The following PIR variants were observed in gnomAD, a reference collection of about 807,000 sequenced individuals.
PIR encodes the protein pirin, also known as pirin (iron-binding nuclear protein).
PIR carries 22 observed loss-of-function variants against 24.2 expected under a neutral mutation model. That is an observed-to-expected ratio of 0.91 (90% CI 0.65 to 1.30). PIR has a LOEUF of 1.30. PIR is among the 50% of genes most tolerant of loss of function. The pLI, the probability that PIR is intolerant of heterozygous loss-of-function variation, is 0.00. For missense variants in PIR, 220 were observed against 220.3 expected, an observed-to-expected ratio of 1.00 and a Z score of 0.01; for synonymous variants, 80 against 79.6, an observed-to-expected ratio of 1.00 and a Z score of -0.03.
chrX:15,385,906 G>C (rs1307158796), intron 9 of PIR, among the ~76,000 whole-genome samples: 2 of 111,982 alleles, frequency 1.8e-5, no homozygotes, highest in Non-Finnish European at 3.8e-5. Context: ...TCTGAACTCG[G>C]ATTTTGCTAA....
intron 2 of PIR, among the ~76,000 whole-genome samples, chrX:15,490,278 C>G (rs1379920747): frequency 4.5e-5 from 5 of 111,223 alleles, no homozygotes; most frequent in African/African-American, 1.6e-4. Flanking sequence ...TTTTTAAAAC[C>G]CTATAAATAC....
chrX:15,488,312 A>AAAAG (rs1219157043), intron 2 of PIR, among the ~76,000 whole-genome samples: 1 of 54,566 alleles, frequency 1.8e-5, no homozygotes, highest in Non-Finnish European at 3.8e-5. Flanking sequence ...AAAAGAAAGA[A>AAAAG]AAAGAAAAAG....
chrX:15,459,992 T>G (rs765752746), intron 3 of PIR, among the ~76,000 whole-genome samples: 14 of 107,770 alleles, frequency 1.3e-4, no homozygotes, highest in Non-Finnish European at 2.3e-4. Flanking sequence ...AACAGGTATA[T>G]GAAAAGGTAG....
chrX:15,450,476 GT>G (rs892401263), intron 5 of PIR, among the ~76,000 whole-genome samples: 8 of 109,912 alleles, frequency 7.3e-5, no homozygotes, highest in African/African-American at 1.7e-4. Flanking sequence ...TGATTTAATA[GT>G]TTTTTTTTAA....
At chrX:15,407,817 T>A (rs1201034550) in intron 6 of PIR, among the ~76,000 whole-genome samples, 1 of 112,261 alleles carries the variant, frequency 8.9e-6, no homozygotes, top group Non-Finnish European at 1.9e-5. Context: ...AGTGTACAAT[T>A]CACTTGGCTG....
chrX:15,463,667 T>G (rs1277592892), intron 3 of PIR, among the ~76,000 whole-genome samples: 1 of 112,102 alleles, frequency 8.9e-6, no homozygotes, highest in African/African-American at 3.2e-5. Context: ...AAAACCCCCA[T>G]CTGGGAACTC....
At chrX:15,430,131 C>T (rs1925459470) in intron 5 of PIR, among the ~76,000 whole-genome samples, 1 of 111,727 alleles carries the variant, frequency 9.0e-6, no homozygotes, top group African/African-American at 3.3e-5. Flanking sequence ...CAAATTGGTC[C>T]ATAAGAAACT....
intron 2 of PIR, among the ~76,000 whole-genome samples, chrX:15,484,369 C>T (rs775405713): frequency 3.2e-4 from 28 of 88,182 alleles, no homozygotes; most frequent in African/African-American, 1.2e-3. Flanking sequence ...TGTTGGAGTG[C>T]GATGGCATGA....
chrX:15,464,813 T>C (rs1330268040), intron 3 of PIR, among the ~76,000 whole-genome samples: 1 of 112,303 alleles, frequency 8.9e-6, no homozygotes, highest in Non-Finnish European at 1.9e-5. Context: ...AGAAAGGCAA[T>C]CTCCATTCTG....
At chrX:15,441,523 TGAG>T (rs1414456724) in intron 5 of PIR, among the ~76,000 whole-genome samples, 1 of 110,992 alleles carries the variant, frequency 9.0e-6, no homozygotes, top group Non-Finnish European at 1.9e-5. Flanking sequence ...TCTCTTTCCT[TGAG>T]GAGGCAGTCA....
intron 6 of PIR, among the ~76,000 whole-genome samples, chrX:15,413,305 C>T (rs1182483609): frequency 1.8e-5 from 2 of 111,674 alleles, no homozygotes; most frequent in African/African-American, 6.5e-5. Context: ...CCCTGCTGCA[C>T]CCACCTCACA....
intron 3 of PIR, among the ~76,000 whole-genome samples, chrX:15,467,919 G>A (rs1051067877): frequency 9.0e-6 from 1 of 111,630 alleles, no homozygotes; most frequent in Non-Finnish European, 1.9e-5. Context: ...CCCAGATCAG[G>A]AATAAATGTT....
chrX:15,463,997 T>A (rs1464650252), intron 3 of PIR, among the ~76,000 whole-genome samples: 2 of 112,548 alleles, frequency 1.8e-5, no homozygotes, highest in Non-Finnish European at 3.8e-5. Flanking sequence ...ACAGGGACAT[T>A]CTGGATGATA....
chrX:15,481,505 G>A (rs767983879), intron 2 of PIR, among the ~76,000 whole-genome samples: 15 of 111,704 alleles, frequency 1.3e-4, no homozygotes, highest in Non-Finnish European at 2.3e-4. Flanking sequence ...TAGAACCATG[G>A]TTATCCCCAT....
intron 8 of PIR, among the ~76,000 whole-genome samples, chrX:15,396,159 T>C (rs1924127142): frequency 8.9e-6 from 1 of 112,328 alleles, no homozygotes; most frequent in Non-Finnish European, 1.9e-5. Context: ...CTGTATTGGA[T>C]TGAAAGATAT....
At chrX:15,469,762 A>G (rs887080208) in intron 3 of PIR, among the ~76,000 whole-genome samples, 2 of 111,680 alleles carry the variant, frequency 1.8e-5, no homozygotes, top group Non-Finnish European at 3.8e-5. Flanking sequence ...TGTTGCAGCT[A>G]TAAGAAGTAA....
At chrX:15,463,208 G>A (rs780284624) in intron 3 of PIR, among the ~76,000 whole-genome samples, 2 of 107,332 alleles carry the variant, frequency 1.9e-5, no homozygotes, top group Admixed American at 1.0e-4. Context: ...CCACCTGCCC[G>A]CAGATATAAG....
At chrX:15,441,675 G>A (rs1246383430) in intron 5 of PIR, among the ~76,000 whole-genome samples, 3 of 111,677 alleles carry the variant, frequency 2.7e-5, no homozygotes, top group Non-Finnish European at 5.6e-5. Flanking sequence ...CCCTGAGGAT[G>A]AGGGGGAGGC....
chrX:15,398,282 A>C (rs1924247412), intron 7 of PIR, among the ~76,000 whole-genome samples: 1 of 112,154 alleles, frequency 8.9e-6, no homozygotes, highest in Admixed American at 9.5e-5. Flanking sequence ...GGGAATATTC[A>C]GGACAGATAC....
Sources: gnomAD v4.1 joint callset for allele counts (sites outside exome capture counted in the v4.1 genomes callset) on GRCh38, gnomAD v4.1.1 for gene constraint, MANE v1.5 for transcripts, NCBI Gene and HGNC (gene_info 2026-07-23, HGNC 2026-07-21) for gene names.